The following SPON2 variants were observed in gnomAD, a reference collection of about 807,000 sequenced individuals.
The protein encoded by SPON2 is spondin-2.
Under a neutral mutation model 29.9 loss-of-function variants are expected in SPON2, and 32 were observed. The ratio of observed to expected loss-of-function variants is 1.07; its 90% CI spans 0.81 to 1.44. The LOEUF (loss-of-function observed/expected upper bound fraction) is 1.44. Among genes scored for constraint, SPON2 ranks in the 40% most tolerant of loss-of-function variants. The pLI, the probability that SPON2 is intolerant of heterozygous loss-of-function variation, is 0.00. For missense variants in SPON2, 541 were observed against 455.5 expected, an observed-to-expected ratio of 1.19 and a Z score of -1.71; for synonymous variants, 248 against 209.1, an observed-to-expected ratio of 1.19 and a Z score of -1.61.
chr4:1,169,464 T>C (rs1727350274), intron 5 of SPON2, among the ~76,000 whole-genome samples: 1 of 151,896 alleles, frequency 6.6e-6, no homozygotes, highest in Non-Finnish European at 1.5e-5. Flanking sequence ...GTCTGGGGAG[T>C]GGTTCCCGCC....
rs894599920 is a variant in SPON2, at chr4:1,202,697, G to T, written c.-234+5183C>A. Among the ~76,000 whole-genome samples the T allele has an allele frequency of 6.6e-6, 1 of 152,116 alleles. No homozygotes were observed. Among genetic ancestry groups the T allele is most frequent in the Non-Finnish European group, 1.5e-5 (1 of 68,010 alleles). ...GCAGCCCCCACCTCAGCTCCGGTGG[G>T]CATAGCCTCGGTGGGGACTCCGAGG... On this transcript the variant is annotated intron_variant, in intron 1 of 3. Transcript: ENST00000509233. The surrounding 1 kb of genome is among the most constrained non-coding windows in gnomAD (Gnocchi z 5.4).
rs1401310725 is a variant in SPON2, at chr4:1,171,075, T to C, written c.560A>G (p.Tyr187Cys). 1.3e-6 allele frequency: 2 copies of C among 1,549,964 alleles called. No individual in the cohort carries two copies. Among genetic ancestry groups the C allele is most frequent in the Non-Finnish European group, 1.7e-6 (2 of 1,146,558 alleles). Residue 187 changes from tyrosine to cysteine, a missense_variant, in exon 4 of 6, where the codon TAC (tyrosine) becomes TGC (cysteine). By Grantham distance (194) the Tyr-to-Cys change is radical (BLOSUM62 -2). Coordinates refer to ENST00000290902, the MANE Select transcript of SPON2 (RefSeq NM_012445.4). ...GAAGCCGCTGTCCGTCCCGGCGTCG[T>C]AGGGGTACAGGTCCAGCGCCGCCTG... Reference protein sequence around the residue: ...REQAALDLYPYDAGTDSGFTF... With the variant: ...REQAALDLYPCDAGTDSGFTF...
intron 1 of SPON2, among the ~76,000 whole-genome samples, chr4:1,204,338 T>C (rs1046764664): frequency 6.6e-6 from 1 of 152,204 alleles, no homozygotes; most frequent in Admixed American, 6.5e-5. Flanking sequence ...TGTGACCCCA[T>C]GACCTCAGCC....
chr4:1,174,512 A>AAC (rs1727553633), upstream of SPON2, among the ~76,000 whole-genome samples: 2 of 148,760 alleles, frequency 1.3e-5, no homozygotes, highest in African/African-American at 2.6e-5. Flanking sequence ...ACAAAAAAAC[A>AAC]AAAAACAAAA....
upstream of SPON2, among the ~76,000 whole-genome samples, chr4:1,196,480 C>T (rs1258759181): frequency 6.6e-6 from 1 of 152,224 alleles, no homozygotes; most frequent in African/African-American, 2.4e-5. Context: ...CCAGGCATAG[C>T]TGAGAAGCAG....
chr4:1,184,045 A>T lies in SPON2; in HGVS notation c.-238-4504T>A, dbSNP rs142952698. ...CAGACTAGAGTACAGTGGCAAGATCATGGCTCAGTGCAGCCTCAGCCTCTC... is the reference window on the plus strand; with the variant it reads ...CAGACTAGAGTACAGTGGCAAGATCTTGGCTCAGTGCAGCCTCAGCCTCTC... On this transcript the variant is annotated intron_variant, in intron 1 of 3. Transcript: ENST00000502483. 4.2e-3 allele frequency among the ~76,000 whole-genome samples: 644 copies of T among 152,316 alleles called. 3 individuals are homozygous for T. Among genetic ancestry groups the T allele is most frequent in the African/African-American group, 0.015 (622 of 41,572 alleles).
intron 4 of SPON2, 65 bp downstream of exon 4, chr4:1,170,934 G>A (rs762535673): frequency 6.5e-7 from 1 of 1,537,820 alleles, no homozygotes; most frequent in Non-Finnish European, 8.8e-7. Context: ...GGTGCAGCCA[G>A]GCCCCAGCCC....
At chr4:1,185,570 T>C in intron 1 of SPON2, among the ~76,000 whole-genome samples, 1 of 151,186 alleles carries the variant, frequency 6.6e-6, no homozygotes, top group South Asian at 2.1e-4. Context: ...TAGCCAGGCA[T>C]GGTAGCACAT....
In SPON2 at chr4:1,167,486, C is replaced by T. The variant is rs769597413; in HGVS notation, c.982G>A (p.Asp328Asn). Residue 328 changes from aspartate (D) to asparagine (N), a missense_variant, in exon 6 of 6, where the codon GAT becomes AAT. Asp to Asn is a conservative substitution (Grantham distance 23, BLOSUM62 1). Transcript: ENST00000290902. ...ELEEEAECVP[D>N]NCV ...GGGCTCTGGTCTTAGACGCAGTTAT[C>T]AGGGACGCACTCAGCCTCTTCTTCG... 1.8e-5 allele frequency: 29 copies of T among 1,613,204 alleles called. No individual in the cohort carries two copies. The South Asian group carries it at 1.9e-4, about 10-fold the overall frequency.
intron 1 of SPON2, among the ~76,000 whole-genome samples, chr4:1,192,862 G>A (rs1190606294): frequency 6.6e-6 from 1 of 152,220 alleles, no homozygotes; most frequent in African/African-American, 2.4e-5. Context: ...TGTTCCAGCA[G>A]CCAGGGGCCC....
At chr4:1,195,934 C>T (rs1021977774), upstream of SPON2, among the ~76,000 whole-genome samples, 10 of 152,188 alleles carry the variant, frequency 6.6e-5, no homozygotes, top group Admixed American at 2.0e-4. Flanking sequence ...CGCCTGGCCA[C>T]GCGCCTTGTT....
intron 1 of SPON2, among the ~76,000 whole-genome samples, chr4:1,182,209 G>C (rs1727712403): frequency 6.6e-6 from 1 of 152,112 alleles, no homozygotes. Flanking sequence ...AAACAGGAAA[G>C]TATGGCCCAT....
chr4:1,187,644 G>C (rs1318315310), intron 1 of SPON2, among the ~76,000 whole-genome samples: 1 of 151,998 alleles, frequency 6.6e-6, no homozygotes, highest in Non-Finnish European at 1.5e-5. Context: ...TATAACAACT[G>C]ATCTCAGATT....
upstream of SPON2, chr4:1,172,759 C>A: frequency 6.5e-6 from 1 of 153,016 alleles, no homozygotes; most frequent in Non-Finnish European, 1.5e-5. Flanking sequence ...CTGCCGCTTT[C>A]CCAACTCGCC....
chr4:1,206,745 G>A (rs934529941), intron 1 of SPON2, among the ~76,000 whole-genome samples: 3 of 152,200 alleles, frequency 2.0e-5, no homozygotes, highest in African/African-American at 4.8e-5. Flanking sequence ...GGGCAGAAGA[G>A]CCGGGACCCC....
At chr4:1,198,782 C>T (rs866877095), upstream of SPON2, among the ~76,000 whole-genome samples, 2 of 152,250 alleles carry the variant, frequency 1.3e-5, no homozygotes, top group Middle Eastern at 6.8e-3. Flanking sequence ...GAGAACCTCA[C>T]CGACAGGTAC....
At chr4:1,191,672 T>C (rs888619740) in intron 1 of SPON2, among the ~76,000 whole-genome samples, 11 of 152,076 alleles carry the variant, frequency 7.2e-5, no homozygotes, top group African/African-American at 2.2e-4. Flanking sequence ...TGAAATCCAC[T>C]GGGAAGGCCA....
At chr4:1,184,161 G>C (rs1262599149) in intron 1 of SPON2, among the ~76,000 whole-genome samples, 2 of 152,040 alleles carry the variant, frequency 1.3e-5, no homozygotes, top group Non-Finnish European at 2.9e-5. Context: ...TAGAGACCAG[G>C]TTTCACCATG....
At chr4:1,172,103 G>T in intron 1 of SPON2, 29 bp from the exon 2 acceptor site, 2 of 1,591,382 alleles carry the variant, frequency 1.3e-6, no homozygotes, top group Non-Finnish European at 1.7e-6. Flanking sequence ...GCAGCCGCGC[G>T]CTGGCACCGT....
Sources: allele counts gnomAD v4.1 joint callset (sites outside exome capture counted in the v4.1 genomes callset), GRCh38; gene constraint gnomAD v4.1.1; non-coding constraint Gnocchi (gnomAD v3.1); transcripts MANE v1.5; gene names NCBI Gene and HGNC (gene_info 2026-07-23, HGNC 2026-07-21).